YEATS4: variants seen among roughly 807,000 people sequenced by gnomAD.
YEATS4 encodes the protein YEATS domain containing 4.
A neutral mutation model predicts 30.1 loss-of-function variants in YEATS4; 17 were observed. The observed-to-expected ratio is 0.56, with a 90% CI of 0.39 to 0.85. YEATS4 has a LOEUF of 0.85. YEATS4 is among the 40% of genes least tolerant of loss of function. YEATS4 has a pLI of 0.00. For missense variants in YEATS4, 142 were observed against 268.3 expected (o/e 0.53, Z 3.29); for synonymous variants, 85 against 87.5 (o/e 0.97, Z 0.16).
At chr12:69,424,444 A>C in the YEATS4 span, among the ~76,000 whole-genome samples, 1 of 152,180 alleles carries the variant, frequency 6.6e-6, no homozygotes, top group South Asian at 2.1e-4. Flanking sequence ...TACTTTATTC[A>C]TCTACATTTT....
chr12:69,360,316 G>A (rs1875143099), intron 1 of YEATS4, among the ~76,000 whole-genome samples: 1 of 152,186 alleles, frequency 6.6e-6, no homozygotes, highest in African/African-American at 2.4e-5. Context: ...CCGAGGGCTG[G>A]GAAAGCTCAG....
At chr12:69,385,391 A>G (rs1453950908) in intron 6 of YEATS4, among the ~76,000 whole-genome samples, 2 of 152,224 alleles carry the variant, frequency 1.3e-5, no homozygotes, top group Non-Finnish European at 2.9e-5. Flanking sequence ...AAAAATATGT[A>G]TAGTTTTAAT....
chr12:69,381,931 A>G (rs569521834), intron 6 of YEATS4, among the ~76,000 whole-genome samples: 21 of 152,336 alleles, frequency 1.4e-4, no homozygotes, highest in East Asian at 9.6e-4. Context: ...GGAGCCCCCA[A>G]TAGACTTAAT....
At chr12:69,417,718 G>A in the YEATS4 span, among the ~76,000 whole-genome samples, 3 of 152,072 alleles carry the variant, frequency 2.0e-5, no homozygotes, top group Non-Finnish European at 4.4e-5. Context: ...ACTATTTGTT[G>A]GTGTTTCTGT....
intron 4 of YEATS4, among the ~76,000 whole-genome samples, chr12:69,367,380 TC>T (rs1214546594): frequency 1.3e-5 from 2 of 151,990 alleles, no homozygotes; most frequent in Non-Finnish European, 2.9e-5. Context: ...ATTTTTTTTT[TC>T]TTTTGAGACA....
chr12:69,394,973 TAAAA>T (rs1868340558), downstream of YEATS4, among the ~76,000 whole-genome samples: 1 of 152,080 alleles, frequency 6.6e-6, no homozygotes, highest in African/African-American at 2.4e-5. Context: ...ATTTTAGATT[TAAAA>T]AAAGCAAAGC....
Position 69,360,032 on chromosome 12 carries a change from C to G in YEATS4, c.51+9C>G. ...CCGGCGGGAGAGTAAAGGTCAGTGCCCGGACCGCCCCTCTTCCGGGGTGGC... is the reference window on the plus strand; with the variant it reads ...CCGGCGGGAGAGTAAAGGTCAGTGCGCGGACCGCCCCTCTTCCGGGGTGGC... On this transcript the variant is annotated intron_variant, in intron 1 of 6. Transcript: ENST00000247843. 6.2e-7 allele frequency: 1 copy of G among 1,612,476 alleles called. No homozygotes were observed. Among genetic ancestry groups the G allele is most frequent in the Non-Finnish European group, 8.5e-7 (1 of 1,179,244 alleles).
At chr12:69,394,617 G>GTGTT (rs60206769), downstream of YEATS4, among the ~76,000 whole-genome samples, 10,557 of 151,396 alleles carry the variant, frequency 0.07, 1,000 homozygotes, top group African/African-American at 0.21. Context: ...TGGAGATAGT[G>GTGTT]TGTTTGTTTG....
the YEATS4 span, among the ~76,000 whole-genome samples, chr12:69,414,920 G>A: frequency 1.3e-5 from 2 of 152,082 alleles, no homozygotes; most frequent in African/African-American, 4.8e-5. Context: ...GTTCTTTTTG[G>A]GATATCAATA....
At chr12:69,382,648 G>A (rs944768771) in intron 6 of YEATS4, among the ~76,000 whole-genome samples, 1 of 152,240 alleles carries the variant, frequency 6.6e-6, no homozygotes, top group Non-Finnish European at 1.5e-5. Flanking sequence ...GGGCCAAGGC[G>A]TGGAATTGGG....
intron 6 of YEATS4, among the ~76,000 whole-genome samples, chr12:69,380,063 G>A (rs1321651558): frequency 6.6e-6 from 1 of 152,086 alleles, no homozygotes; most frequent in African/African-American, 2.4e-5. Context: ...TTTCTGAAAG[G>A]TCACATATCT....
In YEATS4 at chr12:69,390,437, C is replaced by A; in HGVS notation, c.*121C>A. 1 of 860,778 alleles carries A rather than the reference C, an allele frequency of 1.2e-6. No homozygotes were observed. Among genetic ancestry groups the A allele is most frequent in the Non-Finnish European group, 1.7e-6 (1 of 604,004 alleles). 53.3% of individuals were successfully genotyped at this position (860,778 alleles called of 1,614,324 possible). A position where few individuals can be genotyped will look rare whatever the true frequency, so the allele number is the denominator to read the frequency against. ...GAGGAACTTCATATACAGCTGTTGA[C>A]CATGAATTTCTTAGCAATAGGAATT... On this transcript the variant is annotated 3_prime_UTR_variant, in exon 7 of 7. Transcript: ENST00000247843.
At chr12:69,368,068 C>G (rs889604830) in intron 4 of YEATS4, among the ~76,000 whole-genome samples, 1 of 152,122 alleles carries the variant, frequency 6.6e-6, no homozygotes, top group African/African-American at 2.4e-5. Flanking sequence ...TTAATAGATT[C>G]CCATATAGAT....
At chr12:69,418,001 C>A in the YEATS4 span, among the ~76,000 whole-genome samples, 1 of 152,030 alleles carries the variant, frequency 6.6e-6, no homozygotes, top group African/African-American at 2.4e-5. Context: ...AAGTTTCTGG[C>A]TCTTTCGTTT....
chr12:69,411,198 C>T, the YEATS4 span, among the ~76,000 whole-genome samples: 145 of 152,308 alleles, frequency 9.5e-4, no homozygotes, highest in African/African-American at 2.9e-3. Context: ...GGTACAATCA[C>T]ATTTCACTGC....
At chr12:69,360,247 A>G (rs1364900543) in intron 1 of YEATS4, among the ~76,000 whole-genome samples, 1 of 152,176 alleles carries the variant, frequency 6.6e-6, no homozygotes, top group Non-Finnish European at 1.5e-5. Flanking sequence ...GCCAAAAAAC[A>G]AACAGATAAA....
intron 6 of YEATS4, among the ~76,000 whole-genome samples, chr12:69,371,454 T>C (rs1264237033): frequency 6.6e-6 from 1 of 152,272 alleles, no homozygotes; most frequent in Non-Finnish European, 1.5e-5. Context: ...GGTCATGTTG[T>C]ATTTTCTCTC....
the YEATS4 span, among the ~76,000 whole-genome samples, chr12:69,418,852 G>C: frequency 6.6e-6 from 1 of 151,928 alleles, no homozygotes; most frequent in Non-Finnish European, 1.5e-5. Flanking sequence ...GGGGGGCTAA[G>C]GCAGGAGGAT....
chr12:69,398,278 A>G, the YEATS4 span, among the ~76,000 whole-genome samples: 2 of 152,200 alleles, frequency 1.3e-5, no homozygotes, highest in African/African-American at 4.8e-5. Flanking sequence ...TGGAGATGAC[A>G]TAATCTTGTG....
Sources: gnomAD v4.1 joint callset for allele counts (sites outside exome capture counted in the v4.1 genomes callset) on GRCh38, gnomAD v4.1.1 for gene constraint, MANE v1.5 for transcripts, NCBI Gene and HGNC (gene_info 2026-07-23, HGNC 2026-07-21) for gene names.